CHUK: variants seen among roughly 807,000 people sequenced by gnomAD.
CHUK encodes the protein inhibitor of nuclear factor kappa-B kinase subunit alpha.
In CHUK, 35 loss-of-function variants were observed where a neutral mutation model predicts 104.8. The ratio of observed to expected loss-of-function variants is 0.33; its 90% CI spans 0.26 to 0.44. CHUK has a LOEUF of 0.44. Among genes scored for constraint, CHUK ranks in the 20% least tolerant of loss-of-function variants. The pLI is 1.00. For synonymous variants in CHUK, 276 were observed against 291.9 expected (o/e 0.95, Z 0.56); for missense variants, 663 against 902.7 (o/e 0.73, Z 3.40).
chr10:100,205,048 G>A, intron 12 of CHUK, 28 bp downstream of exon 12: 1 of 1,613,482 alleles, frequency 6.2e-7, no homozygotes, highest in South Asian at 1.1e-5. Context: ...ACATTGCATT[G>A]TGCTTATAAA....
chr10:100,197,416 ATAGTC>A (rs1845358791), intron 16 of CHUK, among the ~76,000 whole-genome samples: 1 of 152,166 alleles, frequency 6.6e-6, no homozygotes, highest in Non-Finnish European at 1.5e-5. Context: ...GCTTCTGAGA[ATAGTC>A]TAGATAAGCA....
At position 100,209,597 on chromosome 10, in the gene CHUK, C is replaced by T. The variant is rs764779909; in HGVS notation, c.1126G>A (p.Val376Ile). 5 of 1,584,392 alleles carry T rather than the reference C, an allele frequency of 3.2e-6. No homozygotes were observed. The East Asian group carries it at 8.9e-5, about 28-fold the overall frequency. The change falls in exon 10 of 21, where the codon GTT (valine) becomes ATT (isoleucine). Residue 376 changes from valine to isoleucine, a missense_variant and splice_region_variant. Physicochemically the swap from Val to Ile is conservative, Grantham distance 29. Coordinates refer to ENST00000370397, the MANE Select transcript of CHUK (RefSeq NM_001278.5). ...GATATTATAATTAATTTTCTTACAACTCCATCTAGAACACATTGAGAGGCT... is the reference window on the plus strand; with the variant it reads ...GATATTATAATTAATTTTCTTACAATTCCATCTAGAACACATTGAGAGGCT... The part of the protein sequence containing the change: ...KPASQCVLDG[V>I]RGCDSYMVYL...
intron 13 of CHUK, among the ~76,000 whole-genome samples, chr10:100,202,499 A>G (rs1294803295): frequency 6.6e-6 from 1 of 152,202 alleles, no homozygotes; most frequent in Admixed American, 6.5e-5. Context: ...AGGAATGCCA[A>G]TGATGGCTAG....
At chr10:100,203,130 C>T (rs1022617383) in intron 13 of CHUK, among the ~76,000 whole-genome samples, 2 of 152,154 alleles carry the variant, frequency 1.3e-5, no homozygotes, top group Non-Finnish European at 2.9e-5. Context: ...AGAAAAGACT[C>T]TCTCTTCTAC....
chr10:100,200,221 C>G (rs902233962), intron 15 of CHUK, among the ~76,000 whole-genome samples: 5 of 152,104 alleles, frequency 3.3e-5, no homozygotes, highest in Non-Finnish European at 5.9e-5. Flanking sequence ...TAGTTCATAT[C>G]TATTCTGATC....
intron 16 of CHUK, among the ~76,000 whole-genome samples, chr10:100,197,540 T>C (rs1845362761): frequency 6.6e-6 from 1 of 152,182 alleles, no homozygotes; most frequent in South Asian, 2.1e-4. Flanking sequence ...GTGTCTTAAT[T>C]CATTTAAAAA....
downstream of CHUK, chr10:100,187,221 C>T (rs539991854): frequency 4.6e-5 from 7 of 152,308 alleles, no homozygotes; most frequent in African/African-American, 9.6e-5. Flanking sequence ...ATCTATAAAA[C>T]GGCTGAAAGT....
intron 11 of CHUK, among the ~76,000 whole-genome samples, chr10:100,206,082 G>C (rs1012585561): frequency 2.0e-4 from 31 of 152,184 alleles, no homozygotes; most frequent in African/African-American, 6.7e-4. Flanking sequence ...AGGAGCTAAA[G>C]AGACATGACA....
rs1373828252 is a variant in CHUK, at chr10:100,219,303, C to T, written c.531G>A (p.Leu177=). 1 of 1,606,528 alleles carries T rather than the reference C, an allele frequency of 6.2e-7. No homozygotes were observed. Among genetic ancestry groups the T allele is most frequent in the Non-Finnish European group, 8.5e-7 (1 of 1,173,134 alleles). Residue 177 remains leucine, a synonymous_variant, in exon 6 of 21, where the codon CTG becomes CTA. Transcript: ENST00000370397. ...GCAGTGTTCCCACAAAAGATGTACA[C>T]AGACTTCCTTGATCAACATCTTTGG... is the stretch of plus-strand genomic sequence containing the variant. ...GYAKDVDQGS[L]CTSFVGTLQY...
chr10:100,189,834 C>CTTTTT (rs34571703), intron 20 of CHUK, among the ~76,000 whole-genome samples: 11 of 139,122 alleles, frequency 7.9e-5, no homozygotes, highest in Non-Finnish European at 1.3e-4. Flanking sequence ...CTTTTCTTTT[C>CTTTTT]TTTTTTTTTT....
chr10:100,218,939 G>GAAAA, intron 7 of CHUK, 69 bp downstream of exon 7: 1 of 1,550,692 alleles, frequency 6.4e-7, no homozygotes. Flanking sequence ...ATTAAAGAAA[G>GAAAA]AAAAAAAAAG....
In CHUK at chr10:100,220,627, T is replaced by C; in HGVS notation, c.435A>G (p.Leu145=). 6.2e-7 allele frequency: 1 copy of C among 1,613,052 alleles called. No individual in the cohort carries two copies. Among genetic ancestry groups the C allele is most frequent in the Non-Finnish European group, 8.5e-7 (1 of 1,179,160 alleles). ...LHENKIIHRD[L]KPENIVLQDV... ...CCTGAAGAACTATGTTTTCAGGTTT[T>C]AGATCTCGATGTATAATTTTGTTTT... Residue 145 remains leucine (L), a synonymous_variant, in exon 5 of 21, where the codon CTA becomes CTG. Coordinates refer to ENST00000370397, the MANE Select transcript of CHUK (RefSeq NM_001278.5).
chr10:100,196,117 TAAAGAA>T (rs1845319996), intron 16 of CHUK, among the ~76,000 whole-genome samples: 1 of 152,124 alleles, frequency 6.6e-6, no homozygotes, highest in African/African-American at 2.4e-5. Context: ...AAATATTGAT[TAAAGAA>T]AAAGAATTGG....
At chr10:100,199,069 G>A (rs993810140) in intron 16 of CHUK, among the ~76,000 whole-genome samples, 2 of 152,144 alleles carry the variant, frequency 1.3e-5, no homozygotes, top group Admixed American at 6.6e-5. Context: ...ATTTGCCTGA[G>A]GTAACGGTCA....
intron 1 of CHUK, among the ~76,000 whole-genome samples, chr10:100,226,301 GA>G (rs1030251668): frequency 2.6e-5 from 4 of 151,052 alleles, no homozygotes; most frequent in South Asian, 2.1e-4. Flanking sequence ...TATAATGTTA[GA>G]AAAAAAAAGA....
intron 2 of CHUK, 61 bp downstream of exon 2, chr10:100,225,862 C>T: frequency 4.2e-6 from 4 of 949,262 alleles, no homozygotes; most frequent in Non-Finnish European, 7.0e-6. Context: ...GCCTCTTTCC[C>T]CATGATGACA....
chr10:100,200,746 A>G lies in CHUK; in HGVS notation c.1604T>C (p.Met535Thr). The G allele has an allele frequency of 2.5e-6, 4 of 1,607,584 alleles. No homozygotes were observed. In the South Asian group the frequency reaches 4.4e-5, roughly 18 times the overall value. The change falls in exon 15 of 21, where the codon ATG becomes ACG. Residue 535 changes from methionine to threonine, a missense_variant. Physicochemically the swap from Met to Thr is moderately conservative, Grantham distance 81. Transcript: ENST00000370397. Reference sequence around the variant, plus strand: ...CTCCATGATTTCAGCATGCAAAGACATAATCTGATCCTCCAGGTATCCAAT... The same window carrying G: ...CTCCATGATTTCAGCATGCAAAGACGTAATCTGATCCTCCAGGTATCCAAT... Reference protein sequence around the residue: ...GVIGYLEDQIMSLHAEIMELQ... With the variant: ...GVIGYLEDQITSLHAEIMELQ...
intron 16 of CHUK, among the ~76,000 whole-genome samples, chr10:100,196,943 T>C (rs973435340): frequency 6.6e-6 from 1 of 152,306 alleles, no homozygotes; most frequent in Admixed American, 6.5e-5. Context: ...GGCTAATCCC[T>C]CCTACTGTTC....
At chr10:100,213,282 A>G (rs1845771707) in intron 9 of CHUK, among the ~76,000 whole-genome samples, 1 of 152,082 alleles carries the variant, frequency 6.6e-6, no homozygotes, top group South Asian at 2.1e-4. Flanking sequence ...GGAGTTTGAG[A>G]ACATCCTGGC....
Sources: allele counts gnomAD v4.1 joint callset (sites outside exome capture counted in the v4.1 genomes callset), GRCh38; gene constraint gnomAD v4.1.1; transcripts MANE v1.5; gene names NCBI Gene and HGNC (gene_info 2026-07-23, HGNC 2026-07-21).